CDKN2B-AS1: variants seen among roughly 807,000 people sequenced by gnomAD.
CDKN2B-AS1 encodes CDKN2B antisense RNA 1 (non-protein coding).
intron 1 of CDKN2B-AS1, among the ~76,000 whole-genome samples, chr9:22,026,038 AC>A (rs1196693595): frequency 6.6e-6 from 1 of 150,746 alleles, no homozygotes; most frequent in African/African-American, 2.4e-5. Flanking sequence ...GTAGCCGGGG[AC>A]CCCAGATGGG....
intron 1 of CDKN2B-AS1, among the ~76,000 whole-genome samples, chr9:22,022,914 G>A (rs1397094557): frequency 6.6e-6 from 1 of 152,082 alleles, no homozygotes; most frequent in Non-Finnish European, 1.5e-5. Context: ...TAAAATTCTG[G>A]GTTGGAGTTT....
intron 4 of CDKN2B-AS1, among the ~76,000 whole-genome samples, chr9:22,074,298 G>A (rs903294929): frequency 6.6e-6 from 1 of 152,116 alleles, no homozygotes; most frequent in African/African-American, 2.4e-5. Flanking sequence ...TCCCAAATAA[G>A]AAAGAGGTCC....
chr9:22,051,387 T>G lies in CDKN2B-AS1; in HGVS notation n.302+2159T>G, dbSNP rs770671020. Among the ~76,000 whole-genome samples the G allele has an allele frequency of 4.6e-5, 7 of 152,320 alleles. No individual in the cohort carries two copies. The Middle Eastern group carries it at 0.01, about 222-fold the overall frequency. On this transcript the variant is annotated intron_variant and non_coding_transcript_variant, in intron 3 of 4. Transcript: ENST00000650946. ...TTCCAAATCTTGTTTTTGTAATACCTTTATTCCCAAAGAGTTATGCTTATA... is the reference window on the plus strand; with the variant it reads ...TTCCAAATCTTGTTTTTGTAATACCGTTATTCCCAAAGAGTTATGCTTATA...
intron 1 of CDKN2B-AS1, among the ~76,000 whole-genome samples, chr9:22,009,583 A>C (rs1821398627): frequency 6.6e-6 from 1 of 152,218 alleles, no homozygotes; most frequent in Non-Finnish European, 1.5e-5. Context: ...CTCAGCTCCT[A>C]ATCCCCAGTA....
chr9:22,012,394 T>C, intron 1 of CDKN2B-AS1: 6 of 842,952 alleles, frequency 7.1e-6, no homozygotes, highest in Non-Finnish European at 1.0e-5. Context: ...TTATTGAGCC[T>C]TCACTCTTCC....
intron 1 of CDKN2B-AS1, among the ~76,000 whole-genome samples, chr9:22,032,482 C>A (rs1017534492): frequency 6.6e-6 from 1 of 152,174 alleles, no homozygotes; most frequent in Admixed American, 6.5e-5. Context: ...CCTAGGGCTT[C>A]ATGCCTGAGG....
intron 1 of CDKN2B-AS1, among the ~76,000 whole-genome samples, chr9:22,024,207 G>A (rs562936524): frequency 1.4e-4 from 22 of 152,284 alleles, no homozygotes; most frequent in Admixed American, 1.3e-3. Flanking sequence ...ACTTTAGGGG[G>A]CCATCGTTCA....
At chr9:22,067,526 ACACACACACACACGCACG>A (rs1197939892) in intron 4 of CDKN2B-AS1, among the ~76,000 whole-genome samples, 3 of 135,548 alleles carry the variant, frequency 2.2e-5, no homozygotes, top group Non-Finnish European at 5.3e-5. Flanking sequence ...AATAAAAAGA[ACACACACACACACGCACG>A]CACACACACA....
At chr9:22,083,603 C>A (rs764006880) in intron 4 of CDKN2B-AS1, among the ~76,000 whole-genome samples, 4 of 152,102 alleles carry the variant, frequency 2.6e-5, no homozygotes, top group African/African-American at 4.8e-5. Context: ...TATAAAGCAC[C>A]CTAGGTGATG....
Position 21,999,685 on chromosome 9 carries a change from A to C in CDKN2B-AS1, n.29+4524A>C. 6.6e-6 allele frequency among the ~76,000 whole-genome samples: 1 copy of C among 152,170 alleles called. No homozygotes were observed. On this transcript the variant is annotated intron_variant and non_coding_transcript_variant, in intron 1 of 4. Coordinates refer to ENST00000650946, the Ensembl canonical transcript of CDKN2B-AS1. This position sits in a 1 kb window ranked among gnomAD's most constrained non-coding sequence, Gnocchi z 4.7. ...TATAGCAGTGTGTATTAGCAAACAA[A>C]GTGCAAGAAAGAGAAAAATGATTGA...
intron 1 of CDKN2B-AS1, among the ~76,000 whole-genome samples, chr9:22,020,769 G>T (rs1356492221): frequency 6.6e-6 from 1 of 152,114 alleles, no homozygotes; most frequent in East Asian, 1.9e-4. Flanking sequence ...ATAGATGCTG[G>T]ATATTAGACC....
At chr9:22,089,999 C>A (rs562106248) in intron 4 of CDKN2B-AS1, among the ~76,000 whole-genome samples, 83 of 131,598 alleles carry the variant, frequency 6.3e-4, no homozygotes, top group Non-Finnish European at 1.2e-3. Flanking sequence ...CACAACAGGC[C>A]CCGGTGTGTG....
At chr9:22,090,352 A>C (rs1316834031) in intron 4 of CDKN2B-AS1, among the ~76,000 whole-genome samples, 1 of 152,184 alleles carries the variant, frequency 6.6e-6, no homozygotes, top group Non-Finnish European at 1.5e-5. Flanking sequence ...CAGTAATGGG[A>C]TGGCTGGGTC....
At chr9:22,062,996 T>C (rs1257975400) in intron 4 of CDKN2B-AS1, among the ~76,000 whole-genome samples, 1 of 49,750 alleles carries the variant, frequency 2.0e-5, no homozygotes, top group Non-Finnish European at 3.6e-5. Flanking sequence ...CATATATATA[T>C]ATAGAGAGAG....
intron 4 of CDKN2B-AS1, among the ~76,000 whole-genome samples, chr9:22,071,714 A>G (rs773245414): frequency 2.6e-5 from 4 of 152,164 alleles, no homozygotes; most frequent in Non-Finnish European, 5.9e-5. Flanking sequence ...ATATACTGCT[A>G]TGTATCCTGA....
intron 4 of CDKN2B-AS1, among the ~76,000 whole-genome samples, chr9:22,070,041 C>T (rs1010259156): frequency 3.9e-5 from 6 of 152,114 alleles, no homozygotes; most frequent in African/African-American, 1.4e-4. Context: ...AAATCTCACT[C>T]ATTTTATGAA....
chr9:22,127,463 T>G (rs1818035480), exon 5 of CDKN2B-AS1, among the ~76,000 whole-genome samples: 1 of 152,228 alleles, frequency 6.6e-6, no homozygotes, highest in African/African-American at 2.4e-5. Flanking sequence ...TTCATTAAAT[T>G]GCTTCCCTTT....
chr9:22,070,506 A>G (rs1398436947), intron 4 of CDKN2B-AS1, among the ~76,000 whole-genome samples: 4 of 152,206 alleles, frequency 2.6e-5, no homozygotes, highest in Admixed American at 6.5e-5. Context: ...AAGGGCAATG[A>G]TCAGGGAAGA....
At chr9:22,102,664 A>G (rs1215730676) in intron 4 of CDKN2B-AS1, among the ~76,000 whole-genome samples, 2 of 152,160 alleles carry the variant, frequency 1.3e-5, no homozygotes, top group Non-Finnish European at 2.9e-5. Flanking sequence ...TTCTTATAAG[A>G]CACTCACCTA....
Sources: gnomAD v4.1 joint callset for allele counts (sites outside exome capture counted in the v4.1 genomes callset) on GRCh38, gnomAD v4.1.1 for gene constraint, Gnocchi (gnomAD v3.1) non-coding constraint, MANE v1.5 for transcripts, NCBI Gene and HGNC (gene_info 2026-07-23, HGNC 2026-07-21) for gene names.